CCDC152: variants seen among roughly 807,000 people sequenced by gnomAD.
CCDC152 encodes the protein coiled-coil domain-containing protein 152.
A neutral mutation model predicts 38.1 loss-of-function variants in CCDC152; 37 were observed. The observed-to-expected ratio is 0.97, with a 90% confidence interval of 0.75 to 1.28. CCDC152 has a LOEUF of 1.28. Among genes scored for constraint, CCDC152 ranks in the 50% most tolerant of loss-of-function variants. The pLI is 0.00. For missense variants in CCDC152, 259 were observed against 292.1 expected (o/e 0.89, Z 0.83); for synonymous variants, 83 against 87.1 (o/e 0.95, Z 0.26).
chr5:42,760,704 A>G (rs1270708222), intron 2 of CCDC152, among the ~76,000 whole-genome samples: 2 of 152,208 alleles, frequency 1.3e-5, no homozygotes, highest in South Asian at 2.1e-4. Context: ...GTCAGCACAC[A>G]CACACACAAA....
intron 1 of CCDC152, among the ~76,000 whole-genome samples, chr5:42,757,876 G>C (rs543825112): frequency 6.6e-6 from 1 of 151,856 alleles, no homozygotes; most frequent in East Asian, 1.9e-4. Context: ...AAAAGGTTAG[G>C]TACCAAAAAA....
At chr5:42,772,667 T>A (rs1041870613) in intron 4 of CCDC152, among the ~76,000 whole-genome samples, 27 of 122,478 alleles carry the variant, frequency 2.2e-4, no homozygotes, top group Admixed American at 2.4e-4. Context: ...AAAAAAAAAA[T>A]AGCCATTCTT....
intron 1 of CCDC152, 102 bp from the exon 2 acceptor site, chr5:42,759,018 T>A: frequency 1.3e-6 from 1 of 775,086 alleles, no homozygotes; most frequent in Admixed American, 3.3e-5. Flanking sequence ...AGGTGCCCTA[T>A]GAGTTGAATA....
chr5:42,781,963 A>G (rs1043440360), intron 5 of CCDC152, among the ~76,000 whole-genome samples: 7 of 152,172 alleles, frequency 4.6e-5, no homozygotes, highest in Admixed American at 2.0e-4. Context: ...TGTAAAATTT[A>G]TCTTCACAAT....
At chr5:42,778,615 C>T (rs1053650041) in intron 4 of CCDC152, among the ~76,000 whole-genome samples, 3 of 152,156 alleles carry the variant, frequency 2.0e-5, no homozygotes, top group Non-Finnish European at 4.4e-5. Flanking sequence ...TCTTTTGCCT[C>T]CTCTATCTAA....
chr5:42,801,378 G>T lies in CCDC152; in HGVS notation c.*1597G>T. Reference sequence around the variant, plus strand: ...CTTTTTAACAAGCTTATAGAGATAGGAATAATGCGTGAAAAATGATTTGTA... The same window carrying T: ...CTTTTTAACAAGCTTATAGAGATAGTAATAATGCGTGAAAAATGATTTGTA... On this transcript the variant is annotated 3_prime_UTR_variant, in exon 9 of 9. Transcript: ENST00000361970. 7.4e-7 allele frequency: 1 copy of T among 1,359,796 alleles called. No individual in the cohort carries two copies. The highest frequency in any genetic ancestry group is 1.5e-5 in the African/African-American group (1 of 68,822). The allele number at this position is 1,359,796 out of a possible 1,614,324, so 84.2% of individuals were successfully genotyped here.
intron 3 of CCDC152, among the ~76,000 whole-genome samples, chr5:42,765,837 AGGACATT>A (rs1472294472): frequency 7.9e-5 from 12 of 152,210 alleles, no homozygotes; most frequent in African/African-American, 2.9e-4. Context: ...GAGATTCTCC[AGGACATT>A]GGTCTGGGCA....
At chr5:42,758,210 A>G (rs1183945999) in intron 1 of CCDC152, among the ~76,000 whole-genome samples, 1 of 152,260 alleles carries the variant, frequency 6.6e-6, no homozygotes, top group Non-Finnish European at 1.5e-5. Context: ...ATTTCAAAAG[A>G]AGAAAATGAG....
Position 42,800,204 on chromosome 5 carries a change from A to G in CCDC152, c.*423A>G, listed in dbSNP as rs988021551. ...TCTTAGATATACAAAAGATAAATGGATATTTAAAATAGTTATATATGCTTT... is the reference window on the plus strand; with the variant it reads ...TCTTAGATATACAAAAGATAAATGGGTATTTAAAATAGTTATATATGCTTT... On this transcript the variant is annotated 3_prime_UTR_variant, in exon 9 of 9. Transcript: ENST00000361970. The G allele has an allele frequency of 6.3e-6, 1 of 157,968 alleles. No homozygotes were observed. The highest frequency in any genetic ancestry group is 2.4e-5 in the African/African-American group (1 of 41,614). The allele number at this position is 157,968 out of a possible 1,614,324, so 9.8% of individuals were successfully genotyped here.
chr5:42,776,104 A>G (rs1759765666), intron 4 of CCDC152, among the ~76,000 whole-genome samples: 1 of 152,140 alleles, frequency 6.6e-6, no homozygotes, highest in Admixed American at 6.5e-5. Context: ...CTTTATCAAA[A>G]ATCACTTTGA....
At position 42,799,656 on chromosome 5, in the gene CCDC152, T is replaced by C; in HGVS notation, c.643-3T>C. 6.5e-7 allele frequency: 1 copy of C among 1,539,742 alleles called. No individual in the cohort carries two copies. Among genetic ancestry groups the C allele is most frequent in the Non-Finnish European group, 8.8e-7 (1 of 1,141,478 alleles). On this transcript the variant is annotated splice_region_variant and splice_polypyrimidine_tract_variant and intron_variant, in intron 8 of 8. Transcript: ENST00000361970. ...CTAATAACAAATTTTTTGTTTCGTT[T>C]AGAAACTTCAGCATTTTCAAGAAGA... is the stretch of plus-strand genomic sequence containing the variant.
chr5:42,774,377 G>A (rs918052905), intron 4 of CCDC152, among the ~76,000 whole-genome samples: 1 of 152,142 alleles, frequency 6.6e-6, no homozygotes, highest in Non-Finnish European at 1.5e-5. Context: ...CATGTTGTTG[G>A]CTGGAGGAGA....
intron 2 of CCDC152, 49 bp downstream of exon 2, chr5:42,759,257 G>C (rs560359026): frequency 8.4e-7 from 1 of 1,191,874 alleles, no homozygotes; most frequent in South Asian, 1.5e-5. Flanking sequence ...ACATGGAACA[G>C]ATTTTGCCAA....
intron 2 of CCDC152, among the ~76,000 whole-genome samples, chr5:42,761,843 T>G (rs1268914898): frequency 6.6e-6 from 1 of 152,220 alleles, no homozygotes; most frequent in East Asian, 1.9e-4. Flanking sequence ...GGTCATATTT[T>G]TACTTTTCAT....
At chr5:42,785,975 G>T (rs191016463) in intron 6 of CCDC152, among the ~76,000 whole-genome samples, 1 of 152,040 alleles carries the variant, frequency 6.6e-6, no homozygotes, top group Admixed American at 6.5e-5. Context: ...AAATAAGGCC[G>T]TTTGATCCTG....
intron 6 of CCDC152, among the ~76,000 whole-genome samples, chr5:42,792,658 C>T (rs1046597501): frequency 6.6e-6 from 1 of 152,092 alleles, no homozygotes; most frequent in African/African-American, 2.4e-5. Flanking sequence ...GGTAAGTGAG[C>T]CCATCTTAGA....
At chr5:42,789,621 CTTA>C (rs1289027574) in intron 6 of CCDC152, among the ~76,000 whole-genome samples, 2 of 152,000 alleles carry the variant, frequency 1.3e-5, no homozygotes, top group Non-Finnish European at 2.9e-5. Flanking sequence ...AGTTTGTATT[CTTA>C]TAAAATTAAA....
At chr5:42,780,085 T>C (rs1759824004) in intron 5 of CCDC152, among the ~76,000 whole-genome samples, 1 of 152,106 alleles carries the variant, frequency 6.6e-6, no homozygotes, top group East Asian at 1.9e-4. Context: ...TAAAAGATGC[T>C]AAATAAATGT....
At chr5:42,795,273 A>G (rs1353747110) in intron 6 of CCDC152, among the ~76,000 whole-genome samples, 2 of 152,230 alleles carry the variant, frequency 1.3e-5, no homozygotes, top group Admixed American at 6.5e-5. Context: ...TGGACAAAGT[A>G]TACTTTAAAG....
Sources: allele counts gnomAD v4.1 joint callset (sites outside exome capture counted in the v4.1 genomes callset), GRCh38; gene constraint gnomAD v4.1.1; transcripts MANE v1.5; gene names NCBI Gene and HGNC (gene_info 2026-07-23, HGNC 2026-07-21).